MYT1L: variants seen among roughly 807,000 people sequenced by gnomAD.
The protein encoded by MYT1L is myelin transcription factor 1 like, also known as myelin transcription factor 1-like protein.
Under a neutral mutation model 126.7 loss-of-function variants are expected in MYT1L, and 12 were observed. The ratio of observed to expected loss-of-function variants is 0.09; its 90% CI spans 0.06 to 0.15. The LOEUF (loss-of-function observed/expected upper bound fraction) is 0.15, where lower values mean the gene tolerates loss of function less well. Ranked by LOEUF, MYT1L falls within the 10% of genes least tolerant of loss-of-function variation. The pLI, the probability that MYT1L is intolerant of heterozygous loss-of-function variation, is 1.00. For missense variants in MYT1L, 979 were observed against 1,585.2 expected, an observed-to-expected ratio of 0.62 and a Z score of 6.49; for synonymous variants, 541 against 604.2, an observed-to-expected ratio of 0.90 and a Z score of 1.53.
In MYT1L at chr2:1,844,658, C is replaced by T. The variant is rs1030081230; in HGVS notation, c.2775-3815G>A. Among the ~76,000 whole-genome samples the T allele has an allele frequency of 2.6e-5, 4 of 152,262 alleles. No individual in the cohort carries two copies. In the East Asian group the frequency reaches 7.7e-4, roughly 29 times the overall value. ...GGGGCAGAAATACCTGCATCATCGGCTGTGAAAACTGGAAGTGATAACATG... is the reference window on the plus strand; with the variant it reads ...GGGGCAGAAATACCTGCATCATCGGTTGTGAAAACTGGAAGTGATAACATG... On this transcript the variant is annotated intron_variant, in intron 19 of 24. Transcript: ENST00000647738.
At chr2:1,883,262 C>T (rs2047790677) in intron 18 of MYT1L, among the ~76,000 whole-genome samples, 1 of 152,224 alleles carries the variant, frequency 6.6e-6, no homozygotes, top group Admixed American at 6.5e-5. Context: ...AGAGCCAATT[C>T]TCTGTGATCG....
chr2:1,799,753 A>C (rs1359666039), intron 23 of MYT1L, among the ~76,000 whole-genome samples: 2 of 152,162 alleles, frequency 1.3e-5, no homozygotes, highest in Admixed American at 1.3e-4. Flanking sequence ...TCCCCACCCA[A>C]ATCTCACCTC....
chr2:2,186,880 C>T (rs1426366593), intron 2 of MYT1L, among the ~76,000 whole-genome samples: 1 of 152,184 alleles, frequency 6.6e-6, no homozygotes, highest in African/African-American at 2.4e-5. Flanking sequence ...TCACCTTGGT[C>T]TTTATTGGCA....
chr2:2,110,605 C>T (rs2079310363), intron 3 of MYT1L, among the ~76,000 whole-genome samples: 1 of 140,792 alleles, frequency 7.1e-6, no homozygotes, highest in African/African-American at 2.6e-5. Context: ...CCTCTATTTC[C>T]TCCTCCCCTC....
chr2:2,014,608 C>T (rs938792123), intron 4 of MYT1L, among the ~76,000 whole-genome samples: 4 of 152,224 alleles, frequency 2.6e-5, no homozygotes, highest in African/African-American at 9.7e-5. Context: ...GTCTGGGCAT[C>T]CCGGATGGGC....
At chr2:1,955,663 G>A (rs931101198) in intron 8 of MYT1L, among the ~76,000 whole-genome samples, 10 of 152,178 alleles carry the variant, frequency 6.6e-5, no homozygotes, top group Non-Finnish European at 1.5e-4. Context: ...AAGAACGTTT[G>A]CTCCATGGTA....
intron 1 of MYT1L, among the ~76,000 whole-genome samples, chr2:2,308,985 C>T (rs149788365): frequency 6.6e-6 from 1 of 152,024 alleles, no homozygotes; most frequent in Non-Finnish European, 1.5e-5. Flanking sequence ...TCTACCTATA[C>T]TTCACCTACA....
At chr2:1,994,506 T>C (rs2061682086) in intron 5 of MYT1L, among the ~76,000 whole-genome samples, 1 of 152,208 alleles carries the variant, frequency 6.6e-6, no homozygotes, top group Admixed American at 6.5e-5. Flanking sequence ...TGTCTCCTGG[T>C]GATGCTCAGA....
intron 2 of MYT1L, among the ~76,000 whole-genome samples, chr2:2,243,784 G>C (rs1428035843): frequency 6.6e-6 from 1 of 152,164 alleles, no homozygotes; most frequent in African/African-American, 2.4e-5. Flanking sequence ...GCAAAGTAGT[G>C]GAGTCACTTT....
chr2:2,177,566 G>C (rs542719233), intron 2 of MYT1L, among the ~76,000 whole-genome samples: 3 of 152,318 alleles, frequency 2.0e-5, no homozygotes, highest in Non-Finnish European at 2.9e-5. Flanking sequence ...ACAAAGGAAA[G>C]AGGTTTAAAT....
intron 18 of MYT1L, among the ~76,000 whole-genome samples, chr2:1,862,534 T>C (rs2044823359): frequency 6.6e-6 from 1 of 152,218 alleles, no homozygotes; most frequent in African/African-American, 2.4e-5. Context: ...TCTTTGTGCT[T>C]TTTATTGATC....
intron 3 of MYT1L, among the ~76,000 whole-genome samples, chr2:2,087,955 G>A (rs190060214): frequency 6.6e-6 from 1 of 152,196 alleles, no homozygotes; most frequent in South Asian, 2.1e-4. Flanking sequence ...TTGTGATCAC[G>A]GCTGAGTTGG....
intron 2 of MYT1L, among the ~76,000 whole-genome samples, chr2:2,230,219 G>A (rs147790747): frequency 1.3e-5 from 2 of 152,272 alleles, no homozygotes; most frequent in Non-Finnish European, 2.9e-5. Flanking sequence ...GAAAGGATAA[G>A]GAAAAGGCAG....
intron 21 of MYT1L, chr2:1,827,152 T>G (rs1204143428): frequency 1.3e-5 from 2 of 152,442 alleles, no homozygotes; most frequent in Admixed American, 6.5e-5. Flanking sequence ...GCCAGATGAC[T>G]GAAGGGCTGA....
intron 23 of MYT1L, among the ~76,000 whole-genome samples, chr2:1,794,094 AG>A (rs2032862681): frequency 6.6e-6 from 1 of 152,068 alleles, no homozygotes; most frequent in African/African-American, 2.4e-5. Flanking sequence ...GTTTTTAAAA[AG>A]GTACACGCAG....
intron 9 of MYT1L, among the ~76,000 whole-genome samples, chr2:1,940,939 G>A (rs1386790005): frequency 1.3e-5 from 2 of 152,160 alleles, no homozygotes; most frequent in Admixed American, 6.5e-5. Context: ...CTCCTTTGGC[G>A]GTGCTGTCAC....
chr2:2,182,972 G>A (rs552793484), intron 2 of MYT1L, among the ~76,000 whole-genome samples: 2 of 152,290 alleles, frequency 1.3e-5, no homozygotes, highest in African/African-American at 2.4e-5. Flanking sequence ...TCAGGGTTAC[G>A]CAGAGGTGAG....
chr2:1,821,214 T>C (rs1016404321), intron 21 of MYT1L, among the ~76,000 whole-genome samples: 2 of 152,150 alleles, frequency 1.3e-5, no homozygotes, highest in African/African-American at 2.4e-5. Flanking sequence ...TTTCCTTGTT[T>C]TCTTTCTTTG....
intron 3 of MYT1L, among the ~76,000 whole-genome samples, chr2:2,113,185 A>C (rs746398054): frequency 2.6e-5 from 4 of 152,236 alleles, no homozygotes; most frequent in Non-Finnish European, 5.9e-5. Context: ...ATGAAAACCA[A>C]CTATTGCTTT....
Sources: allele counts gnomAD v4.1 joint callset (sites outside exome capture counted in the v4.1 genomes callset), GRCh38; gene constraint gnomAD v4.1.1; transcripts MANE v1.5; gene names NCBI Gene and HGNC (gene_info 2026-07-23, HGNC 2026-07-21).